Variants in CUL1 observed in about 807,000 individuals in gnomAD.
CUL1 encodes the protein cullin-1.
Under a neutral mutation model 118.0 loss-of-function variants are expected in CUL1, and 24 were observed. That is an observed-to-expected ratio of 0.20 (90% CI 0.15 to 0.29). CUL1 has a LOEUF of 0.29. CUL1 is among the 10% of genes least tolerant of loss of function. CUL1 has a pLI of 1.00. For missense variants in CUL1, 361 were observed against 933.8 expected (o/e 0.39, Z 7.99); for synonymous variants, 332 against 340.4 (o/e 0.98, Z 0.27).
chr7:148,714,077 G>A (rs994092363), intron 1 of CUL1, among the ~76,000 whole-genome samples: 2 of 152,168 alleles, frequency 1.3e-5, no homozygotes, highest in African/African-American at 4.8e-5. Flanking sequence ...CGAGAAGCCT[G>A]CTATATCCAT....
chr7:148,699,331 A>C (rs936428016), intron 1 of CUL1, among the ~76,000 whole-genome samples: 2 of 150,792 alleles, frequency 1.3e-5, no homozygotes, highest in Non-Finnish European at 3.0e-5. Context: ...TCGCGCCTGG[A>C]GGCGGCGGCC....
At chr7:148,707,670 G>A (rs1300665398) in intron 1 of CUL1, among the ~76,000 whole-genome samples, 1 of 152,048 alleles carries the variant, frequency 6.6e-6, no homozygotes, top group East Asian at 1.9e-4. Flanking sequence ...GCCCCAGTGA[G>A]TGTTGTGCCC....
intron 1 of CUL1, among the ~76,000 whole-genome samples, chr7:148,708,986 T>C (rs1308491590): frequency 6.6e-6 from 1 of 152,236 alleles, no homozygotes; most frequent in Non-Finnish European, 1.5e-5. Flanking sequence ...TACACTAAAG[T>C]TTTGTTTCAA....
intron 2 of CUL1, among the ~76,000 whole-genome samples, chr7:148,746,080 C>T (rs1161728103): frequency 6.6e-6 from 1 of 151,858 alleles, no homozygotes; most frequent in African/African-American, 2.4e-5. Flanking sequence ...TTTGTGAGGC[C>T]CCTTGCCTGT....
At chr7:148,794,092 T>G (rs1801105459) in intron 17 of CUL1, among the ~76,000 whole-genome samples, 1 of 152,172 alleles carries the variant, frequency 6.6e-6, no homozygotes, top group Non-Finnish European at 1.5e-5. Context: ...TCAGTTGGGT[T>G]ATTTGTCTTT....
intron 1 of CUL1, among the ~76,000 whole-genome samples, chr7:148,700,354 T>G (rs993363308): frequency 4.6e-5 from 7 of 152,174 alleles, no homozygotes; most frequent in African/African-American, 1.4e-4. Context: ...CTCGCAGAAG[T>G]GTGTGCAGTT....
chr7:148,785,767 C>T (rs948396335), intron 11 of CUL1, among the ~76,000 whole-genome samples: 3 of 152,114 alleles, frequency 2.0e-5, no homozygotes, highest in Non-Finnish European at 4.4e-5. Context: ...GACATTTCCA[C>T]AGCACCTCTT....
intron 17 of CUL1, among the ~76,000 whole-genome samples, chr7:148,794,319 C>T (rs916970819): frequency 6.6e-6 from 1 of 152,040 alleles, no homozygotes. Context: ...AGTCTGAGGC[C>T]AAGGACTATT....
chr7:148,709,989 G>T (rs899444481), intron 1 of CUL1, among the ~76,000 whole-genome samples: 20 of 152,002 alleles, frequency 1.3e-4, no homozygotes, highest in Non-Finnish European at 2.4e-4. Flanking sequence ...AGGCTGAGGT[G>T]GGGGGATCGC....
At position 148,725,353 on chromosome 7, in the gene CUL1, G is replaced by T. The variant is rs564871034; in HGVS notation, c.-161-4609G>T. 2.6e-5 allele frequency among the ~76,000 whole-genome samples: 4 copies of T among 152,310 alleles called. No individual in the cohort carries two copies. The South Asian group carries it at 6.2e-4, about 24-fold the overall frequency. Reference sequence around the variant, plus strand: ...CACACCCAGATGCCCCTTCAAGGAAGGACTTGACTCCCAGTGTTAGCGCCA... The same window carrying T: ...CACACCCAGATGCCCCTTCAAGGAATGACTTGACTCCCAGTGTTAGCGCCA... On this transcript the variant is annotated intron_variant, in intron 1 of 21. Transcript: ENST00000325222.
At chr7:148,736,998 A>G (rs577597380) in intron 2 of CUL1, among the ~76,000 whole-genome samples, 1 of 152,346 alleles carries the variant, frequency 6.6e-6, no homozygotes, top group East Asian at 1.9e-4. Flanking sequence ...AGATTTTCGT[A>G]TAGAGCATGC....
intron 9 of CUL1, among the ~76,000 whole-genome samples, chr7:148,773,393 A>G (rs987272305): frequency 3.3e-5 from 5 of 152,012 alleles, no homozygotes; most frequent in African/African-American, 1.2e-4. Flanking sequence ...CCCTTCTAGA[A>G]AGAGCTGACC....
chr7:148,749,580 A>G (rs1799419365), intron 2 of CUL1, among the ~76,000 whole-genome samples: 1 of 152,138 alleles, frequency 6.6e-6, no homozygotes, highest in South Asian at 2.1e-4. Flanking sequence ...CCCATCTAAA[A>G]CAGCAAACTT....
At chr7:148,714,842 T>C (rs559645395) in intron 1 of CUL1, among the ~76,000 whole-genome samples, 12 of 152,184 alleles carry the variant, frequency 7.9e-5, no homozygotes, top group Non-Finnish European at 1.5e-4. Flanking sequence ...GTTGTGAGAC[T>C]TCTGCTGTAA....
chr7:148,773,447 A>G (rs1800287010), intron 9 of CUL1, among the ~76,000 whole-genome samples: 1 of 152,116 alleles, frequency 6.6e-6, no homozygotes, highest in African/African-American at 2.4e-5. Flanking sequence ...CTCTCATTAC[A>G]AGTGTACATG....
chr7:148,779,897 A>G (rs147112440), intron 9 of CUL1, among the ~76,000 whole-genome samples: 3 of 152,272 alleles, frequency 2.0e-5, no homozygotes, highest in Non-Finnish European at 2.9e-5. Flanking sequence ...ATCAGCTGCC[A>G]GCGAATATAA....
intron 9 of CUL1, among the ~76,000 whole-genome samples, 169 bp downstream of exon 9, chr7:148,767,918 A>G (rs980165428): frequency 6.6e-6 from 1 of 152,216 alleles, no homozygotes; most frequent in Non-Finnish European, 1.5e-5. Flanking sequence ...ATCTTTGTTT[A>G]GTAAATACCT....
intron 2 of CUL1, among the ~76,000 whole-genome samples, chr7:148,751,798 T>C (rs1799499923): frequency 6.6e-6 from 1 of 152,104 alleles, no homozygotes; most frequent in Non-Finnish European, 1.5e-5. Context: ...CAAATGTACA[T>C]ATTACAGTTT....
chr7:148,790,709 AAAATTAAATAATGTATTTAGT>A (rs1378694533), intron 16 of CUL1, among the ~76,000 whole-genome samples: 1 of 152,176 alleles, frequency 6.6e-6, no homozygotes, highest in East Asian at 1.9e-4. Flanking sequence ...AATTGATGTG[AAAATTAAATAATGTATTTAGT>A]AAGTGTTTGG....
Sources: gnomAD v4.1 joint callset for allele counts (sites outside exome capture counted in the v4.1 genomes callset) on GRCh38, gnomAD v4.1.1 for gene constraint, MANE v1.5 for transcripts, NCBI Gene and HGNC (gene_info 2026-07-23, HGNC 2026-07-21) for gene names.